ACTR3B: variants seen among roughly 807,000 people sequenced by gnomAD.
The protein encoded by ACTR3B is actin related protein 3B.
In ACTR3B, 8 loss-of-function variants were observed where a neutral mutation model predicts 59.0. That is an observed-to-expected ratio of 0.14 (90% CI 0.08 to 0.24). The LOEUF is 0.24. ACTR3B is among the 10% of genes least tolerant of loss of function. ACTR3B has a pLI of 1.00. For synonymous variants in ACTR3B, 148 were observed against 197.9 expected (o/e 0.75, Z 2.12); for missense variants, 245 against 552.3 (o/e 0.44, Z 5.58).
In ACTR3B at chr7:152,825,052, A is replaced by G. The variant is rs765717698; in HGVS notation, c.881A>G (p.Glu294Gly). The change falls in exon 9 of 12, where the codon GAG (glutamate) becomes GGG (glycine). Residue 294 changes from glutamate (E) to glycine (G), a missense_variant. Physicochemically the swap from Glu to Gly is moderately conservative, Grantham distance 98. Transcript: ENST00000256001. ...CAGTTTGCCAACCCAGACTTTATGG[A>G]GTCCATCTCAGATGTTGTTGATGAA... ...HPEFANPDFM[E>G]SISDVVDEVI... The G allele has an allele frequency of 6.2e-7, 1 of 1,613,640 alleles. No individual in the cohort carries two copies. The highest frequency in any genetic ancestry group is 1.1e-5 in the South Asian group (1 of 90,966).
intron 9 of ACTR3B, among the ~76,000 whole-genome samples, chr7:152,842,392 C>G (rs375038377): frequency 1.8e-3 from 276 of 152,310 alleles, no homozygotes; most frequent in African/African-American, 6.0e-3. Flanking sequence ...CAGAGTGGGA[C>G]AGCTCGAGAT....
At chr7:152,851,974 A>G in intron 9 of ACTR3B, 152 bp from the exon 10 acceptor site, 1 of 993,344 alleles carries the variant, frequency 1.0e-6, no homozygotes, top group Non-Finnish European at 1.5e-6. Context: ...CACTTTTCCA[A>G]TAGCATTAAG....
chr7:152,809,444 C>T (rs1392215513), intron 4 of ACTR3B, among the ~76,000 whole-genome samples: 3 of 152,108 alleles, frequency 2.0e-5, no homozygotes, highest in Non-Finnish European at 2.9e-5. Flanking sequence ...TAGAGGAAGC[C>T]GCCCTTACCC....
intron 9 of ACTR3B, among the ~76,000 whole-genome samples, chr7:152,826,880 C>G (rs905424052): frequency 6.0e-5 from 9 of 151,066 alleles, no homozygotes; most frequent in African/African-American, 1.7e-4. Context: ...GGGTTATGTG[C>G]TAGGTGAGAT....
rs182746191 is a variant in ACTR3B, at chr7:152,848,592, T to G, written c.952-3534T>G. 7.1e-3 allele frequency among the ~76,000 whole-genome samples: 1,075 copies of G among 152,342 alleles called. 10 individuals are homozygous for G. The highest frequency in any genetic ancestry group is 0.011 in the Non-Finnish European group (718 of 68,034). ...ATTCTTAATTGGATATAAGCCAGGG[T>G]CTGTCTCTCCAGAATATCATCGGCC... On this transcript the variant is annotated intron_variant, in intron 9 of 11. Coordinates refer to ENST00000256001, the MANE Select transcript of ACTR3B (RefSeq NM_020445.6).
At chr7:152,844,383 G>T (rs1227510945) in intron 9 of ACTR3B, among the ~76,000 whole-genome samples, 2 of 152,004 alleles carry the variant, frequency 1.3e-5, no homozygotes, top group Non-Finnish European at 2.9e-5. Flanking sequence ...TAAATAAAAT[G>T]TTTTTTTAAA....
At position 152,848,851 on chromosome 7, in the gene ACTR3B, G is replaced by GTGGT. The variant is rs534769030; in HGVS notation, c.952-3272_952-3269dup. On this transcript the variant is annotated intron_variant, in intron 9 of 11. Transcript: ENST00000256001. ...CTGCCACCCCCCCGTAGCTGCAGCTGTGGTTGATGGTCCCTAGACTCTGAC... is the reference window on the plus strand; with the variant it reads ...CTGCCACCCCCCCGTAGCTGCAGCTGTGGTTGGTTGATGGTCCCTAGACTCTGAC... 6.6e-5 allele frequency among the ~76,000 whole-genome samples: 10 copies of GTGGT among 152,320 alleles called. No individual in the cohort carries two copies. The South Asian group carries it at 1.2e-3, about 19-fold the overall frequency.
At chr7:152,767,490 G>A (rs1014255851) in intron 1 of ACTR3B, among the ~76,000 whole-genome samples, 2 of 152,154 alleles carry the variant, frequency 1.3e-5, no homozygotes, top group Non-Finnish European at 1.5e-5. Flanking sequence ...GTTCCTCCAA[G>A]TGATCTTTGT....
At chr7:152,831,890 G>A (rs1574987) in intron 9 of ACTR3B, among the ~76,000 whole-genome samples, 80,614 of 151,972 alleles carry the variant, frequency 0.53, 23,406 homozygotes, top group East Asian at 0.72. Context: ...GGAAAGACAG[G>A]CATATCCACC....
chr7:152,774,606 A>G (rs1007745395), intron 1 of ACTR3B, among the ~76,000 whole-genome samples: 2 of 152,134 alleles, frequency 1.3e-5, no homozygotes, highest in African/African-American at 2.4e-5. Flanking sequence ...CCTTACAATA[A>G]TGTTCAGAAT....
chr7:152,828,810 C>T (rs568618796), intron 9 of ACTR3B, among the ~76,000 whole-genome samples: 259 of 151,932 alleles, frequency 1.7e-3, no homozygotes, highest in African/African-American at 6.0e-3. Flanking sequence ...TCCACAGCCT[C>T]ATTTGGTCAG....
At position 152,824,611 on chromosome 7, in the gene ACTR3B, T is replaced by C. The variant is rs1304659138; in HGVS notation, c.859-419T>C. Among the ~76,000 whole-genome samples, 1 of 152,234 alleles carries C rather than the reference T, an allele frequency of 6.6e-6. No individual in the cohort carries two copies. Among genetic ancestry groups the C allele is most frequent in the Non-Finnish European group, 1.5e-5 (1 of 68,048 alleles). ...CTTCTAGACCAGGTTTAATTAATCTTTCATTGAACCTATTTCTTTTTCCTT... is the reference window on the plus strand; with the variant it reads ...CTTCTAGACCAGGTTTAATTAATCTCTCATTGAACCTATTTCTTTTTCCTT... On this transcript the variant is annotated intron_variant, in intron 8 of 11. Coordinates refer to ENST00000256001, the MANE Select transcript of ACTR3B (RefSeq NM_020445.6). The surrounding 1 kb of genome is among the most constrained non-coding windows in gnomAD (Gnocchi z 4.2).
chr7:152,799,144 C>T lies in ACTR3B; in HGVS notation c.101-1387C>T, dbSNP rs188735560. Among the ~76,000 whole-genome samples the T allele has an allele frequency of 6.1e-4, 93 of 152,290 alleles. 1 individual carries two copies. Among genetic ancestry groups the T allele is most frequent in the African/African-American group, 2.2e-3 (92 of 41,554 alleles). On this transcript the variant is annotated intron_variant, in intron 2 of 11. Coordinates refer to ENST00000256001, the MANE Select transcript of ACTR3B (RefSeq NM_020445.6). ...TCTAGCATTTACATTTGTATAGCTACAGAGTCGTACTTTCATCAGAAATAC... is the reference window on the plus strand; with the variant it reads ...TCTAGCATTTACATTTGTATAGCTATAGAGTCGTACTTTCATCAGAAATAC...
chr7:152,808,056 G>C (rs1397875982), intron 4 of ACTR3B, among the ~76,000 whole-genome samples: 1 of 152,002 alleles, frequency 6.6e-6, no homozygotes, highest in East Asian at 1.9e-4. Flanking sequence ...CCTGCCCCTG[G>C]AATGCCCATT....
rs543600844 is a variant in ACTR3B, at chr7:152,849,830, T to G, written c.952-2296T>G. 2.0e-5 allele frequency among the ~76,000 whole-genome samples: 3 copies of G among 152,244 alleles called. No homozygotes were observed. The South Asian group carries it at 6.2e-4, about 31-fold the overall frequency. On this transcript the variant is annotated intron_variant, in intron 9 of 11. Coordinates refer to ENST00000256001, the MANE Select transcript of ACTR3B (RefSeq NM_020445.6). ...AGGTGAAATTTCTCTATACAGACAC[T>G]CGGTAGAATTGGAGCAGATCCCAGG...
At chr7:152,796,711 TTTTTGTTTGTTTG>T (rs1236975625) in intron 2 of ACTR3B, among the ~76,000 whole-genome samples, 1 of 110,434 alleles carries the variant, frequency 9.1e-6, no homozygotes, top group Non-Finnish European at 2.1e-5. Context: ...CAGAAACTGT[TTTTTGTTTGTTTG>T]TTTTGTTTGT....
intron 6 of ACTR3B, among the ~76,000 whole-genome samples, chr7:152,818,619 T>G (rs1590355688): frequency 6.6e-6 from 1 of 152,196 alleles, no homozygotes; most frequent in East Asian, 1.9e-4. Context: ...CCTGACTAAT[T>G]TGTATTTTTA....
intron 9 of ACTR3B, among the ~76,000 whole-genome samples, chr7:152,845,078 C>G (rs1798165443): frequency 6.7e-6 from 1 of 149,558 alleles, no homozygotes; most frequent in Non-Finnish European, 1.5e-5. Flanking sequence ...GCTGTCTTAT[C>G]CACCACCTGC....
At chr7:152,804,403 C>G (rs925444787) in intron 4 of ACTR3B, among the ~76,000 whole-genome samples, 2 of 152,052 alleles carry the variant, frequency 1.3e-5, no homozygotes, top group South Asian at 4.1e-4. Context: ...GTTAGGGTGA[C>G]GAGAGCGGGG....
Sources: gnomAD v4.1 joint callset for allele counts (sites outside exome capture counted in the v4.1 genomes callset) on GRCh38, gnomAD v4.1.1 for gene constraint, Gnocchi (gnomAD v3.1) non-coding constraint, MANE v1.5 for transcripts, NCBI Gene and HGNC (gene_info 2026-07-23, HGNC 2026-07-21) for gene names.